Variants in EXOC6B observed in about 807,000 individuals in gnomAD.
EXOC6B encodes SEC15 homolog B.
A neutral mutation model predicts 113.5 loss-of-function variants in EXOC6B; 54 were observed. The ratio of observed to expected loss-of-function variants is 0.48; its 90% CI spans 0.38 to 0.60. EXOC6B has a LOEUF of 0.60. Among genes scored for constraint, EXOC6B ranks in the 20% least tolerant of loss-of-function variants. The probability of loss-of-function intolerance (pLI) is 0.00; values close to 1 mark genes in which losing one functional copy is unlikely to be tolerated. For missense variants in EXOC6B, 797 were observed against 977.5 expected (o/e 0.82, Z 2.46); for synonymous variants, 357 against 339.0 (o/e 1.05, Z -0.58).
intron 20 of EXOC6B, among the ~76,000 whole-genome samples, chr2:72,219,784 C>G (rs1036499637): frequency 6.6e-6 from 1 of 152,170 alleles, no homozygotes; most frequent in Non-Finnish European, 1.5e-5. Flanking sequence ...ATCATTATAG[C>G]ACTTTCAGTT....
At chr2:72,301,352 G>T (rs1037800084) in intron 20 of EXOC6B, among the ~76,000 whole-genome samples, 1 of 152,226 alleles carries the variant, frequency 6.6e-6, no homozygotes, top group Non-Finnish European at 1.5e-5. Flanking sequence ...TCAGGATGAT[G>T]CTGGCCTCAT....
intron 20 of EXOC6B, among the ~76,000 whole-genome samples, chr2:72,329,225 A>C (rs1227259564): frequency 1.3e-5 from 2 of 152,142 alleles, no homozygotes; most frequent in African/African-American, 4.8e-5. Flanking sequence ...ACTACAGTTC[A>C]TCTCCCAAAA....
chr2:72,528,402 C>T (rs193115548), intron 8 of EXOC6B, among the ~76,000 whole-genome samples: 625 of 152,214 alleles, frequency 4.1e-3, no homozygotes, highest in Non-Finnish European at 6.7e-3. Context: ...ATCTAACAGT[C>T]TAGACTCTGC....
chr2:72,335,058 T>C lies in EXOC6B; in HGVS notation c.2123-38A>G, dbSNP rs768021254. 1.3e-5 allele frequency: 21 copies of C among 1,577,774 alleles called. No individual in the cohort carries two copies. The South Asian group carries it at 2.3e-4, about 17-fold the overall frequency. On this transcript the variant is annotated intron_variant, in intron 19 of 21. Transcript: ENST00000272427. Reference sequence around the variant, plus strand: ...AAAGAGGATAAAAAGCGCCTTTAACTAACCATGGACAGGGAGATTGGCAGA... The same window carrying C: ...AAAGAGGATAAAAAGCGCCTTTAACCAACCATGGACAGGGAGATTGGCAGA...
chr2:72,615,733 T>G (rs1671347490), intron 6 of EXOC6B, among the ~76,000 whole-genome samples: 1 of 152,160 alleles, frequency 6.6e-6, no homozygotes, highest in Non-Finnish European at 1.5e-5. Flanking sequence ...TTTATCATTA[T>G]TTTAGAGTAT....
chr2:72,817,004 T>C (rs1369167633), intron 1 of EXOC6B, among the ~76,000 whole-genome samples: 1 of 152,214 alleles, frequency 6.6e-6, no homozygotes, highest in East Asian at 1.9e-4. Context: ...GATAACTCAA[T>C]GAGGACATTT....
chr2:72,754,398 T>C (rs916977021), intron 1 of EXOC6B, among the ~76,000 whole-genome samples: 8 of 151,690 alleles, frequency 5.3e-5, no homozygotes, highest in Non-Finnish European at 8.8e-5. Flanking sequence ...ACCAATTTCT[T>C]TTTTTTTCTT....
At chr2:72,600,396 T>TG (rs1242607400) in intron 6 of EXOC6B, among the ~76,000 whole-genome samples, 1 of 141,942 alleles carries the variant, frequency 7.0e-6, no homozygotes. Context: ...GAGCCAAGAT[T>TG]GTGCCACTGC....
intron 19 of EXOC6B, among the ~76,000 whole-genome samples, chr2:72,351,355 A>C (rs973387249): frequency 2.6e-5 from 4 of 152,214 alleles, no homozygotes; most frequent in African/African-American, 9.6e-5. Context: ...CGACGTAAGA[A>C]AAATAACCAC....
intron 7 of EXOC6B, among the ~76,000 whole-genome samples, chr2:72,562,664 A>G (rs1703950931): frequency 6.6e-6 from 1 of 152,180 alleles, no homozygotes; most frequent in Non-Finnish European, 1.5e-5. Context: ...TTGACAAATC[A>G]TTATCGACTG....
chr2:72,265,047 G>C (rs564857144), intron 20 of EXOC6B, among the ~76,000 whole-genome samples: 1 of 151,940 alleles, frequency 6.6e-6, no homozygotes, highest in African/African-American at 2.4e-5. Context: ...AACAAGCAGA[G>C]GTTGGAACGG....
chr2:72,497,442 C>T (rs1700098534), intron 13 of EXOC6B, among the ~76,000 whole-genome samples: 1 of 152,054 alleles, frequency 6.6e-6, no homozygotes, highest in African/African-American at 2.4e-5. Flanking sequence ...ACTGGGCATT[C>T]TCTAATAGTA....
intron 21 of EXOC6B, among the ~76,000 whole-genome samples, chr2:72,182,342 A>G (rs1427771551): frequency 1.3e-5 from 2 of 152,156 alleles, no homozygotes; most frequent in Non-Finnish European, 2.9e-5. Flanking sequence ...AGAGATGTAA[A>G]TAACTGAAGG....
chr2:72,182,996 G>C, intron 21 of EXOC6B: 1 of 904,056 alleles, frequency 1.1e-6, no homozygotes, highest in Non-Finnish European at 1.5e-6. Flanking sequence ...GAAAACTGCA[G>C]TCTGAGTTTT....
chr2:72,616,099 A>G (rs929353383), intron 6 of EXOC6B, among the ~76,000 whole-genome samples: 6 of 152,140 alleles, frequency 3.9e-5, no homozygotes, highest in East Asian at 1.9e-4. Flanking sequence ...GTCAAAATCT[A>G]TATGTTGAAA....
intron 20 of EXOC6B, among the ~76,000 whole-genome samples, chr2:72,223,915 G>A (rs183829857): frequency 6.6e-6 from 1 of 152,220 alleles, no homozygotes; most frequent in East Asian, 1.9e-4. Flanking sequence ...TATTAAACAG[G>A]ACATTTTGGA....
chr2:72,387,437 T>TA (rs1358433412), intron 18 of EXOC6B, among the ~76,000 whole-genome samples: 1 of 152,208 alleles, frequency 6.6e-6, no homozygotes, highest in Admixed American at 6.5e-5. Flanking sequence ...TAGAATTTAC[T>TA]AGTGAAGAAA....
At chr2:72,582,008 T>G (rs1028837007) in intron 6 of EXOC6B, among the ~76,000 whole-genome samples, 14 of 152,280 alleles carry the variant, frequency 9.2e-5, no homozygotes, top group Non-Finnish European at 1.9e-4. Context: ...CAATCAGCAC[T>G]GACCCATATG....
At chr2:72,312,527 T>G (rs1334153107) in intron 20 of EXOC6B, among the ~76,000 whole-genome samples, 1 of 152,048 alleles carries the variant, frequency 6.6e-6, no homozygotes, top group Non-Finnish European at 1.5e-5. Flanking sequence ...GGTGAAACCA[T>G]CTTTAAAGAG....
Sources: gnomAD v4.1 joint callset for allele counts (sites outside exome capture counted in the v4.1 genomes callset) on GRCh38, gnomAD v4.1.1 for gene constraint, MANE v1.5 for transcripts, NCBI Gene and HGNC (gene_info 2026-07-23, HGNC 2026-07-21) for gene names.